CNTNAP2: variants seen among roughly 807,000 people sequenced by gnomAD.
CNTNAP2 encodes contactin-associated protein-like 2.
CNTNAP2 carries 98 observed loss-of-function variants against 155.2 expected under a neutral mutation model. That is an observed-to-expected ratio of 0.63 (90% CI 0.54 to 0.75). The LOEUF (loss-of-function observed/expected upper bound fraction) is 0.75. Ranked by LOEUF, CNTNAP2 falls within the 30% of genes least tolerant of loss-of-function variation. CNTNAP2 has a pLI of 0.00. For synonymous variants in CNTNAP2, 651 were observed against 631.2 expected (o/e 1.03, Z -0.47); for missense variants, 1,727 against 1,688.1 (o/e 1.02, Z -0.40).
chr7:148,124,768 G>A (rs1355544449), intron 16 of CNTNAP2, among the ~76,000 whole-genome samples: 2 of 152,072 alleles, frequency 1.3e-5, no homozygotes, highest in Non-Finnish European at 1.5e-5. Context: ...ATCCAGATAT[G>A]GTGCATTTAA....
chr7:148,301,466 T>A (rs1377551250), intron 21 of CNTNAP2, among the ~76,000 whole-genome samples: 1 of 151,944 alleles, frequency 6.6e-6, no homozygotes, highest in African/African-American at 2.4e-5. Flanking sequence ...CAAGGATGCA[T>A]TCAACTCTGC....
chr7:147,557,481 C>T (rs906568568), intron 11 of CNTNAP2, among the ~76,000 whole-genome samples: 19 of 152,070 alleles, frequency 1.2e-4, no homozygotes, highest in Non-Finnish European at 2.8e-4. Context: ...GCCATCAACC[C>T]AATTACCTTT....
At chr7:146,176,072 T>C (rs1174005074) in intron 1 of CNTNAP2, among the ~76,000 whole-genome samples, 1 of 152,194 alleles carries the variant, frequency 6.6e-6, no homozygotes, top group Non-Finnish European at 1.5e-5. Flanking sequence ...AATAGAAATA[T>C]ATACTTTAGA....
intron 8 of CNTNAP2, among the ~76,000 whole-genome samples, chr7:147,170,702 G>A (rs959937940): frequency 6.6e-6 from 1 of 152,192 alleles, no homozygotes; most frequent in African/African-American, 2.4e-5. Context: ...ACTGGGTTGG[G>A]TTGGGTTCTG....
At chr7:146,409,984 C>G (rs1297693230) in intron 1 of CNTNAP2, among the ~76,000 whole-genome samples, 1 of 152,150 alleles carries the variant, frequency 6.6e-6, no homozygotes, top group Non-Finnish European at 1.5e-5. Flanking sequence ...GTAATGATTA[C>G]TTAGAACACC....
At chr7:147,324,727 G>C (rs1489827258) in intron 9 of CNTNAP2, among the ~76,000 whole-genome samples, 2 of 151,342 alleles carry the variant, frequency 1.3e-5, no homozygotes, top group Non-Finnish European at 2.9e-5. Context: ...GTTTTTCAAA[G>C]AAAAATATCT....
At chr7:146,542,789 T>C (rs1363943461) in intron 1 of CNTNAP2, among the ~76,000 whole-genome samples, 1 of 151,996 alleles carries the variant, frequency 6.6e-6, no homozygotes, top group Non-Finnish European at 1.5e-5. Flanking sequence ...GACTTGTTTC[T>C]AGGATTTTTC....
At chr7:146,730,368 C>T (rs1801504552) in intron 1 of CNTNAP2, among the ~76,000 whole-genome samples, 1 of 152,040 alleles carries the variant, frequency 6.6e-6, no homozygotes, top group African/African-American at 2.4e-5. Context: ...TTTTAAACCC[C>T]TAGGCCTTGG....
chr7:146,368,460 G>A (rs567657948), intron 1 of CNTNAP2, among the ~76,000 whole-genome samples: 1 of 152,234 alleles, frequency 6.6e-6, no homozygotes, highest in Non-Finnish European at 1.5e-5. Flanking sequence ...GTACCACAAG[G>A]TCTAGTGTTT....
chr7:146,696,299 A>C (rs1800781631), intron 1 of CNTNAP2, among the ~76,000 whole-genome samples: 1 of 152,172 alleles, frequency 6.6e-6, no homozygotes, highest in Admixed American at 6.6e-5. Flanking sequence ...CTAGGTTATC[A>C]AATCTGTAAG....
chr7:148,084,308 T>C (rs1355591891), intron 15 of CNTNAP2, among the ~76,000 whole-genome samples: 1 of 152,222 alleles, frequency 6.6e-6, no homozygotes, highest in Non-Finnish European at 1.5e-5. Flanking sequence ...GCCAGGGCTC[T>C]TCCTCAGTCA....
intron 1 of CNTNAP2, among the ~76,000 whole-genome samples, chr7:146,282,776 A>C (rs6464745): frequency 0.023 from 3,516 of 152,282 alleles, 145 homozygotes; most frequent in African/African-American, 0.08. Flanking sequence ...CTGTATTCTT[A>C]AAACACAGAA....
chr7:146,555,531 T>G (rs148964796), intron 1 of CNTNAP2, among the ~76,000 whole-genome samples: 3,537 of 148,938 alleles, frequency 0.024, 78 homozygotes, highest in Middle Eastern at 0.07. Context: ...TCTATCTATC[T>G]ATCTATCTAT....
intron 12 of CNTNAP2, among the ~76,000 whole-genome samples, chr7:147,581,275 T>C (rs373331330): frequency 1.5e-4 from 23 of 152,342 alleles, no homozygotes; most frequent in African/African-American, 4.8e-4. Flanking sequence ...ACAAATTATA[T>C]TTTTAACAGA....
At chr7:146,945,869 T>G (rs192188581) in intron 3 of CNTNAP2, among the ~76,000 whole-genome samples, 4 of 152,262 alleles carry the variant, frequency 2.6e-5, no homozygotes, top group Admixed American at 2.0e-4. Context: ...AATGATCATT[T>G]TCTTTGTCTC....
At chr7:148,272,662 A>G (rs1211849355) in intron 21 of CNTNAP2, among the ~76,000 whole-genome samples, 1 of 152,172 alleles carries the variant, frequency 6.6e-6, no homozygotes, top group African/African-American at 2.4e-5. Flanking sequence ...ATATACAATC[A>G]CCTAAATAGA....
intron 8 of CNTNAP2, among the ~76,000 whole-genome samples, chr7:147,209,200 A>G (rs1803085699): frequency 6.6e-6 from 1 of 152,054 alleles, no homozygotes; most frequent in Admixed American, 6.6e-5. Flanking sequence ...GGCCACTTAA[A>G]CAATATTAAT....
At chr7:148,100,930 C>T (rs934963533) in intron 15 of CNTNAP2, among the ~76,000 whole-genome samples, 7 of 152,100 alleles carry the variant, frequency 4.6e-5, no homozygotes, top group Admixed American at 4.6e-4. Context: ...CACATATACA[C>T]CATGGAATAC....
At chr7:147,520,197 A>G (rs908099501) in intron 11 of CNTNAP2, among the ~76,000 whole-genome samples, 2 of 152,236 alleles carry the variant, frequency 1.3e-5, no homozygotes, top group Non-Finnish European at 2.9e-5. Context: ...TTGGCAGCCA[A>G]TATTGAGGCT....
Sources: allele counts gnomAD v4.1 joint callset (sites outside exome capture counted in the v4.1 genomes callset), GRCh38; gene constraint gnomAD v4.1.1; transcripts MANE v1.5; gene names NCBI Gene and HGNC (gene_info 2026-07-23, HGNC 2026-07-21).